NCOA6: variants seen among roughly 807,000 people sequenced by gnomAD.
NCOA6 encodes nuclear receptor coactivator 6.
NCOA6 carries 49 observed loss-of-function variants against 171.4 expected under a neutral mutation model. The ratio of observed to expected loss-of-function variants is 0.29; its 90% CI spans 0.23 to 0.36. The LOEUF (loss-of-function observed/expected upper bound fraction) is 0.36. Among genes scored for constraint, NCOA6 ranks in the 10% least tolerant of loss-of-function variants. NCOA6 has a pLI of 1.00. For synonymous variants in NCOA6, 910 were observed against 927.5 expected, an observed-to-expected ratio of 0.98 and a Z score of 0.34; for missense variants, 2,248 against 2,554.5, an observed-to-expected ratio of 0.88 and a Z score of 2.59.
intron 5 of NCOA6, among the ~76,000 whole-genome samples, chr20:34,762,072 A>G (rs988496297): frequency 3.9e-5 from 6 of 152,146 alleles, no homozygotes; most frequent in Admixed American, 1.3e-4. Flanking sequence ...GGTGTATTAA[A>G]TCTCCCCTAA....
At position 34,788,482 on chromosome 20, in the gene NCOA6, G is replaced by A. The variant is rs79791035; in HGVS notation, c.-50+3968C>T. 2.3e-3 allele frequency among the ~76,000 whole-genome samples: 356 copies of A among 152,266 alleles called. 2 individuals carry two copies. The highest frequency in any genetic ancestry group is 8.3e-3 in the African/African-American group (343 of 41,556). Reference sequence around the variant, plus strand: ...CGGAGAGGGGTGGTAAGTCTTGGGTGTTGTCATGGTAATGGTAAACTGACA... The same window carrying A: ...CGGAGAGGGGTGGTAAGTCTTGGGTATTGTCATGGTAATGGTAAACTGACA... On this transcript the variant is annotated intron_variant, in intron 2 of 14. Coordinates refer to ENST00000359003, the MANE Select transcript of NCOA6 (RefSeq NM_014071.5).
intron 1 of NCOA6, among the ~76,000 whole-genome samples, chr20:34,806,330 A>G (rs1311800551): frequency 6.6e-6 from 1 of 152,240 alleles, no homozygotes; most frequent in East Asian, 1.9e-4. Context: ...TCACATGAAT[A>G]GTCTGCAAAT....
rs1382807409 is a variant in NCOA6 at position 34,740,721 on chromosome 20, T to C, written c.5535A>G (p.Gln1845=). ...CTTCAGTCTCTCCATCTGCACCATA[T>C]TGTTCTTCCCCTTTCTCAAGAGAGC... is the stretch of plus-strand genomic sequence containing the variant. The part of the protein sequence containing the change: ...VTGSLEKGEE[Q]YGADGETEGQ... The change falls in exon 11 of 15, where the codon CAA becomes CAG. Residue 1845 remains glutamine, a synonymous_variant. Coordinates refer to ENST00000359003, the MANE Select transcript of NCOA6 (RefSeq NM_014071.5). 4.3e-6 allele frequency: 7 copies of C among 1,614,244 alleles called. No individual in the cohort carries two copies. The highest frequency in any genetic ancestry group is 2.2e-5 in the South Asian group (2 of 91,092).
At chr20:34,779,556 G>A (rs1326711776) in intron 3 of NCOA6, among the ~76,000 whole-genome samples, 4 of 151,936 alleles carry the variant, frequency 2.6e-5, no homozygotes, top group African/African-American at 7.3e-5. Context: ...AACAACCTCA[G>A]GCAAAACAAT....
intron 1 of NCOA6, among the ~76,000 whole-genome samples, chr20:34,795,913 G>A (rs1199855824): frequency 2.0e-5 from 3 of 151,752 alleles, no homozygotes; most frequent in Admixed American, 6.6e-5. Context: ...TTCAACAAAG[G>A]TAGATATTAC....
intron 5 of NCOA6, among the ~76,000 whole-genome samples, chr20:34,765,982 T>C (rs748107406): frequency 1.3e-5 from 2 of 152,220 alleles, no homozygotes; most frequent in Non-Finnish European, 2.9e-5. Context: ...CTGTTGTAGA[T>C]ACACAGTTCT....
intron 11 of NCOA6, chr20:34,738,821 T>C (rs564884910): frequency 8.8e-5 from 40 of 454,240 alleles, no homozygotes; most frequent in African/African-American, 7.8e-4. Flanking sequence ...CAACTGTAAC[T>C]GGTAACCAGT....
At position 34,758,087 on chromosome 20, in the gene NCOA6, G is replaced by C. The variant is rs765916118; in HGVS notation, c.661C>G (p.Leu221Val). The change falls in exon 7 of 15, where the codon CTC becomes GTC. Residue 221 changes from leucine to valine, a missense_variant. Transcript: ENST00000359003. ...TGCTGCTGTATATGGAGCCCAGAGAGGAGTGGATCCATTGCATCTGTTTAA... is the reference window on the plus strand; with the variant it reads ...TGCTGCTGTATATGGAGCCCAGAGACGAGTGGATCCATTGCATCTGTTTAA... ...ASQSDAMDPL[L>V]SGLHIQQQSH... 6.2e-7 allele frequency: 1 copy of C among 1,610,360 alleles called. No homozygotes were observed. The highest frequency in any genetic ancestry group is 8.5e-7 in the Non-Finnish European group (1 of 1,177,076).
chr20:34,753,149 G>A (rs1214687166), intron 8 of NCOA6, among the ~76,000 whole-genome samples: 2 of 150,324 alleles, frequency 1.3e-5, no homozygotes, highest in Non-Finnish European at 3.0e-5. Context: ...AGGTTCAAGT[G>A]ATCCTCCCGC....
chr20:34,807,611 C>T lies in NCOA6; in HGVS notation c.-163-15048G>A, dbSNP rs145421850. On this transcript the variant is annotated intron_variant, in intron 1 of 14. Coordinates refer to ENST00000359003, the MANE Select transcript of NCOA6 (RefSeq NM_014071.5). ...TGCAATCTCAGCTCACTGCAAGCTC[C>T]GCCTCCTGGGTTCACACCATTCTCC... Among the ~76,000 whole-genome samples, 951 of 152,100 alleles carry T rather than the reference C, an allele frequency of 6.3e-3. 11 individuals carry two copies. Among genetic ancestry groups the T allele is most frequent in the African/African-American group, 0.022 (919 of 41,526 alleles).
Position 34,740,678 on chromosome 20 carries a change from T to C in NCOA6, c.5578A>G (p.Thr1860Ala). The C allele has an allele frequency of 6.2e-7, 1 of 1,614,226 alleles. No homozygotes were observed. Among genetic ancestry groups the C allele is most frequent in the Non-Finnish European group, 8.5e-7 (1 of 1,180,040 alleles). ...TCTGTTCCCATGAGCCCCGGAGCTG[T>C]GGTGTCTAGCCCTTGGCCTTCAGTC... ...GETEGQGLDT[T>A]APGLMGTEQL... is the part of the protein sequence containing the mutation. The change falls in exon 11 of 15, where the codon ACA (threonine) becomes GCA (alanine). Residue 1860 changes from threonine to alanine, a missense_variant. Thr to Ala is a moderately conservative substitution (Grantham distance 58). This residue lies in a region of NCOA6 where 884 missense variants were observed against 941.9 expected (regional missense o/e 0.94). Coordinates refer to ENST00000359003, the MANE Select transcript of NCOA6 (RefSeq NM_014071.5).
At chr20:34,771,333 T>C (rs2077144390) in intron 4 of NCOA6, among the ~76,000 whole-genome samples, 1 of 151,970 alleles carries the variant, frequency 6.6e-6, no homozygotes, top group Non-Finnish European at 1.5e-5. Context: ...AGGGTATCAC[T>C]ATATTGCTCA....
intron 2 of NCOA6, among the ~76,000 whole-genome samples, chr20:34,790,817 TTTTG>T (rs1471693561): frequency 6.6e-6 from 1 of 151,726 alleles, no homozygotes; most frequent in Non-Finnish European, 1.5e-5. Flanking sequence ...GCCTGGCTAA[TTTTG>T]TTTGTTTTTA....
At chr20:34,773,691 T>C (rs1485396996) in intron 4 of NCOA6, among the ~76,000 whole-genome samples, 8 of 152,194 alleles carry the variant, frequency 5.3e-5, no homozygotes, top group African/African-American at 1.7e-4. Context: ...GCTCGGCTAA[T>C]TTTTATATTT....
At chr20:34,732,880 A>C in intron 12 of NCOA6, 1 of 263,924 alleles carries the variant, frequency 3.8e-6, no homozygotes, top group Non-Finnish European at 7.2e-6. Flanking sequence ...ATCCAGTTAC[A>C]ACCAGGTTAG....
intron 1 of NCOA6, among the ~76,000 whole-genome samples, chr20:34,817,022 T>C (rs1386168072): frequency 1.4e-5 from 2 of 139,878 alleles, no homozygotes; most frequent in African/African-American, 5.4e-5. Context: ...ACTCAGGAGG[T>C]TGAGACAGGA....
chr20:34,763,998 T>G (rs1271860813), intron 5 of NCOA6, among the ~76,000 whole-genome samples: 1 of 141,442 alleles, frequency 7.1e-6, no homozygotes, highest in Non-Finnish European at 1.5e-5. Flanking sequence ...GTTTAAATAT[T>G]CACCTTTGAC....
intron 1 of NCOA6, among the ~76,000 whole-genome samples, chr20:34,804,308 G>A (rs1231512394): frequency 6.6e-6 from 1 of 152,018 alleles, no homozygotes; most frequent in East Asian, 1.9e-4. Flanking sequence ...CTGCACTCCA[G>A]CCTGGGTGAC....
chr20:34,746,416 A>C (rs904482307), intron 10 of NCOA6, among the ~76,000 whole-genome samples: 13 of 152,016 alleles, frequency 8.6e-5, no homozygotes, highest in Non-Finnish European at 1.9e-4. Context: ...ATTTTTAAAA[A>C]ATTTTTAGTA....
Sources: gnomAD v4.1 joint callset for allele counts (sites outside exome capture counted in the v4.1 genomes callset) on GRCh38, gnomAD v4.1.1 for gene constraint, gnomAD v4.1.1 regional missense constraint, MANE v1.5 for transcripts, NCBI Gene and HGNC (gene_info 2026-07-23, HGNC 2026-07-21) for gene names.